ZMYND8: variants seen among roughly 807,000 people sequenced by gnomAD.
ZMYND8 encodes the protein zinc finger MYND-type containing 8, also known as MYND-type zinc finger-containing chromatin reader ZMYND8.
A neutral mutation model predicts 140.8 loss-of-function variants in ZMYND8; 37 were observed. The ratio of observed to expected loss-of-function variants is 0.26; its 90% confidence interval spans 0.20 to 0.35. ZMYND8 has a LOEUF of 0.35. ZMYND8 is among the 10% of genes least tolerant of loss of function. The pLI is 1.00. For synonymous variants in ZMYND8, 592 were observed against 597.1 expected, an observed-to-expected ratio of 0.99 and a Z score of 0.12; for missense variants, 1,068 against 1,570.0, an observed-to-expected ratio of 0.68 and a Z score of 5.40.
intron 11 of ZMYND8, among the ~76,000 whole-genome samples, chr20:47,267,819 C>T (rs2075643336): frequency 6.6e-6 from 1 of 152,242 alleles, no homozygotes; most frequent in Non-Finnish European, 1.5e-5. Context: ...GTTCACACCT[C>T]AAGCCTTTGT....
intron 16 of ZMYND8, among the ~76,000 whole-genome samples, chr20:47,230,617 G>A (rs1388516083): frequency 2.0e-5 from 3 of 152,008 alleles, no homozygotes; most frequent in Admixed American, 1.3e-4. Context: ...CAGTAGGTTC[G>A]AGAGAAGGAT....
chr20:47,262,280 T>C lies in ZMYND8; in HGVS notation c.1621+8A>G. ...CACAGAAAGATACTGGCAAAAATTCTGACTGACCCAGGTTAAGATTCAGGA... is the reference window on the plus strand; with the variant it reads ...CACAGAAAGATACTGGCAAAAATTCCGACTGACCCAGGTTAAGATTCAGGA... On this transcript the variant is annotated splice_region_variant and intron_variant, in intron 12 of 22. Transcript: ENST00000471951. The C allele has an allele frequency of 1.9e-6, 3 of 1,614,118 alleles. No individual in the cohort carries two copies. The highest frequency in any genetic ancestry group is 2.5e-6 in the Non-Finnish European group (3 of 1,179,990).
intron 2 of ZMYND8, among the ~76,000 whole-genome samples, chr20:47,323,615 A>T (rs1237784690): frequency 1.3e-5 from 2 of 152,118 alleles, no homozygotes; most frequent in African/African-American, 4.8e-5. Flanking sequence ...TATTCACAAT[A>T]AACCCCCTCA....
At chr20:47,245,024 T>C (rs531662163) in intron 14 of ZMYND8, among the ~76,000 whole-genome samples, 2 of 152,166 alleles carry the variant, frequency 1.3e-5, no homozygotes, top group Non-Finnish European at 2.9e-5. Flanking sequence ...ACCATTGTAC[T>C]CCAGCCTGGG....
chr20:47,335,779 T>C (rs369003762), intron 2 of ZMYND8, among the ~76,000 whole-genome samples: 3 of 152,142 alleles, frequency 2.0e-5, no homozygotes, highest in African/African-American at 7.2e-5. Context: ...GCCGACAGGA[T>C]TCCATGAACA....
intron 22 of ZMYND8, among the ~76,000 whole-genome samples, chr20:47,211,837 G>A (rs1236785960): frequency 6.6e-6 from 1 of 152,128 alleles, no homozygotes; most frequent in African/African-American, 2.4e-5. Flanking sequence ...ACTACCTAGG[G>A]GGGCTGCATT....
chr20:47,274,769 A>G (rs759263665), intron 11 of ZMYND8, among the ~76,000 whole-genome samples: 7 of 152,068 alleles, frequency 4.6e-5, no homozygotes, highest in Non-Finnish European at 8.8e-5. Flanking sequence ...GGCTCTCTCT[A>G]CCCCTCCTAC....
intron 4 of ZMYND8, among the ~76,000 whole-genome samples, chr20:47,296,616 A>C (rs1449165672): frequency 6.6e-6 from 1 of 152,094 alleles, no homozygotes; most frequent in Non-Finnish European, 1.5e-5. Flanking sequence ...ATAAATCCAC[A>C]TTGTTTCAGC....
At chr20:47,285,503 C>T (rs553475003) in intron 8 of ZMYND8, among the ~76,000 whole-genome samples, 2 of 152,284 alleles carry the variant, frequency 1.3e-5, no homozygotes, top group East Asian at 3.9e-4. Context: ...AAGATGCCTA[C>T]CGTTTTTACA....
chr20:47,292,437 T>G (rs1304271103), intron 5 of ZMYND8, among the ~76,000 whole-genome samples: 1 of 151,898 alleles, frequency 6.6e-6, no homozygotes, highest in Non-Finnish European at 1.5e-5. Flanking sequence ...AACAAAAAAA[T>G]TGTGCAAACC....
chr20:47,226,642 C>T (rs927368707), intron 18 of ZMYND8, among the ~76,000 whole-genome samples: 8 of 151,912 alleles, frequency 5.3e-5, no homozygotes, highest in Admixed American at 3.3e-4. Flanking sequence ...GATATGTCCA[C>T]GCATGCGGAG....
intron 18 of ZMYND8, 103 bp from the exon 19 acceptor site, chr20:47,224,659 C>A: frequency 6.4e-7 from 1 of 1,557,312 alleles, no homozygotes; most frequent in South Asian, 1.2e-5. Context: ...CAAGACCTGG[C>A]TGGGAGAAGC....
At chr20:47,261,202 C>T (rs957216199) in intron 12 of ZMYND8, among the ~76,000 whole-genome samples, 2 of 151,988 alleles carry the variant, frequency 1.3e-5, no homozygotes, top group African/African-American at 4.8e-5. Flanking sequence ...GCCTGGGCAA[C>T]AAGAGCGAAA....
Position 47,221,514 on chromosome 20 carries a change from G to C in ZMYND8, c.3257-40C>G, listed in dbSNP as rs781376036. ...GAGAGAGAGACGCCACATATACACA[G>C]AGTACGATGATTTTGAAACATGCAT... On this transcript the variant is annotated intron_variant, in intron 19 of 22. Coordinates refer to ENST00000471951, the MANE Select transcript of ZMYND8 (RefSeq NM_001281775.3). 2.5e-6 allele frequency: 4 copies of C among 1,597,544 alleles called. No individual in the cohort carries two copies. The African/African-American group carries it at 5.4e-5, about 21-fold the overall frequency.
In ZMYND8 at chr20:47,298,576, G is replaced by T; in HGVS notation, c.453+153C>A. On this transcript the variant is annotated intron_variant, in intron 4 of 22. Transcript: ENST00000471951. The surrounding 1 kb of genome is among the most constrained non-coding windows in gnomAD (Gnocchi z 5.0). ...CAGTACTGCAGCCACTGCCGGTGTT[G>T]GTCAAGAAGGGGGTGACCAGGATAG... The T allele has an allele frequency of 6.9e-7, 1 of 1,455,924 alleles. No homozygotes were observed. The highest frequency in any genetic ancestry group is 1.9e-4 in the Middle Eastern group (1 of 5,358). 90.2% of individuals were successfully genotyped at this position (1,455,924 alleles called of 1,614,324 possible). A position where few individuals can be genotyped will look rare whatever the true frequency, so the allele number is the denominator to read the frequency against.
Position 47,328,235 on chromosome 20 carries a change from C to T in ZMYND8, c.86-18031G>A, listed in dbSNP as rs571520395. Reference sequence around the variant, plus strand: ...GGATGTTTTGCTAGGATGGCCAGGTCCTAGAAAGTTCAACCCCATTATAGG... The same window carrying T: ...GGATGTTTTGCTAGGATGGCCAGGTTCTAGAAAGTTCAACCCCATTATAGG... On this transcript the variant is annotated intron_variant, in intron 2 of 22. Coordinates refer to ENST00000471951, the MANE Select transcript of ZMYND8 (RefSeq NM_001281775.3). Among the ~76,000 whole-genome samples, 28 of 152,182 alleles carry T rather than the reference C, an allele frequency of 1.8e-4. No individual in the cohort carries two copies. In the South Asian group the frequency reaches 4.8e-3, roughly 26 times the overall value.
intron 2 of ZMYND8, among the ~76,000 whole-genome samples, chr20:47,321,869 T>C (rs1196558842): frequency 6.7e-6 from 1 of 149,268 alleles, no homozygotes; most frequent in Non-Finnish European, 1.5e-5. Flanking sequence ...TTTTTTTTTT[T>C]TTTTTTTTTG....
At chr20:47,235,459 C>T (rs2039102006) in intron 16 of ZMYND8, among the ~76,000 whole-genome samples, 2 of 152,150 alleles carry the variant, frequency 1.3e-5, no homozygotes, top group Admixed American at 1.3e-4. Context: ...AATCCCAGCA[C>T]TTTGAGAGGC....
At chr20:47,222,973 C>T (rs762524738) in intron 19 of ZMYND8, among the ~76,000 whole-genome samples, 1 of 152,226 alleles carries the variant, frequency 6.6e-6, no homozygotes, top group Non-Finnish European at 1.5e-5. Flanking sequence ...ACAGAAACCA[C>T]ATGGTGTACA....
Sources: gnomAD v4.1 joint callset for allele counts (sites outside exome capture counted in the v4.1 genomes callset) on GRCh38, gnomAD v4.1.1 for gene constraint, Gnocchi (gnomAD v3.1) non-coding constraint, MANE v1.5 for transcripts, NCBI Gene and HGNC (gene_info 2026-07-23, HGNC 2026-07-21) for gene names.